IFT81: variants seen among roughly 807,000 people sequenced by gnomAD.
IFT81 encodes the protein intraflagellar transport 81.
IFT81 carries 72 observed loss-of-function variants against 102.6 expected under a neutral mutation model. That is an observed-to-expected ratio of 0.70 (90% confidence interval 0.58 to 0.85). The LOEUF is 0.85. Among genes scored for constraint, IFT81 ranks in the 40% least tolerant of loss-of-function variants. The probability of loss-of-function intolerance (pLI) is 0.00; values close to 1 mark genes in which losing one functional copy is unlikely to be tolerated. For synonymous variants in IFT81, 237 were observed against 242.7 expected (o/e 0.98, Z 0.22); for missense variants, 723 against 787.3 (o/e 0.92, Z 0.98).
chr12:110,217,580 T>C (rs1353897442), intron 18 of IFT81, among the ~76,000 whole-genome samples: 6 of 152,140 alleles, frequency 3.9e-5, no homozygotes, highest in Non-Finnish European at 8.8e-5. Context: ...GTATTTTCTT[T>C]GAGACAGAGT....
intron 14 of IFT81, among the ~76,000 whole-genome samples, chr12:110,202,414 C>G (rs915138948): frequency 6.6e-6 from 1 of 150,798 alleles, no homozygotes; most frequent in Non-Finnish European, 1.5e-5. Context: ...TGCCCCCTTG[C>G]AATAAAGAAA....
At chr12:110,132,894 G>A (rs889624105) in intron 5 of IFT81, among the ~76,000 whole-genome samples, 5 of 151,342 alleles carry the variant, frequency 3.3e-5, no homozygotes, top group African/African-American at 1.2e-4. Context: ...ATTATGTCCT[G>A]TAAGTAAACC....
At chr12:110,134,296 A>G (rs1381128896) in intron 5 of IFT81, among the ~76,000 whole-genome samples, 1 of 152,214 alleles carries the variant, frequency 6.6e-6, no homozygotes, top group Non-Finnish European at 1.5e-5. Flanking sequence ...AATTCTGTCA[A>G]TACTGACTAC....
At chr12:110,207,710 C>G (rs12319128) in intron 17 of IFT81, among the ~76,000 whole-genome samples, 9 of 151,354 alleles carry the variant, frequency 5.9e-5, no homozygotes, top group Non-Finnish European at 1.3e-4. Context: ...CTACAGGTGC[C>G]CGCCACCACG....
rs1480758029 is a variant in IFT81 at position 110,132,615 on chromosome 12, TTC to T, written c.500_501del (p.Ser167TyrfsTer20). 1 of 1,575,404 alleles carries T rather than the reference TTC, an allele frequency of 6.3e-7. No individual in the cohort carries two copies. Among genetic ancestry groups the T allele is most frequent in the Admixed American group, 1.7e-5 (1 of 57,534 alleles). On this transcript the variant is annotated frameshift_variant, in exon 5 of 19. Coordinates refer to ENST00000242591, the MANE Select transcript of IFT81 (RefSeq NM_014055.4). LOFTEE classifies it high-confidence loss of function. ...ATGAGCAGCTCAAGATATCTGGATT[TTC>T]TACAGCAGAAATAAGAAAGGTAAAG... ...EYEQLKISGF[S>X]TAEIRKDISA...
At chr12:110,190,276 C>T (rs1467938981) in intron 12 of IFT81, among the ~76,000 whole-genome samples, 2 of 152,190 alleles carry the variant, frequency 1.3e-5, no homozygotes, top group Non-Finnish European at 2.9e-5. Flanking sequence ...CCACCTTATT[C>T]TCACTGCACC....
intron 11 of IFT81, among the ~76,000 whole-genome samples, chr12:110,172,602 T>A (rs1279553280): frequency 6.6e-6 from 1 of 152,208 alleles, no homozygotes; most frequent in Non-Finnish European, 1.5e-5. Context: ...TTGGCCGGGC[T>A]GGTCTCCAGC....
chr12:110,203,704 A>G lies in IFT81; in HGVS notation c.1558-160A>G, dbSNP rs78036552. 4.7e-3 allele frequency: 3,033 copies of G among 645,462 alleles called. 19 individuals carry two copies. The highest frequency in any genetic ancestry group is 0.011 in the Middle Eastern group (28 of 2,440). 40.0% of individuals were successfully genotyped at this position (645,462 alleles called of 1,614,324 possible). A position where few individuals can be genotyped will look rare whatever the true frequency, so the allele number is the denominator to read the frequency against. On this transcript the variant is annotated intron_variant, in intron 14 of 18. Transcript: ENST00000242591. ...ATTATTATTATCAGCACCTTCATCTATCATAATTCTCAAATGTCTGGTTGT... is the reference window on the plus strand; with the variant it reads ...ATTATTATTATCAGCACCTTCATCTGTCATAATTCTCAAATGTCTGGTTGT...
chr12:110,166,013 A>G (rs1896416057), intron 11 of IFT81, among the ~76,000 whole-genome samples: 1 of 152,178 alleles, frequency 6.6e-6, no homozygotes, highest in Non-Finnish European at 1.5e-5. Flanking sequence ...TTGAGTGCAA[A>G]TCCTGGTTTT....
intron 11 of IFT81, among the ~76,000 whole-genome samples, chr12:110,163,793 T>G (rs917010531): frequency 6.6e-6 from 1 of 151,490 alleles, no homozygotes; most frequent in Non-Finnish European, 1.5e-5. Flanking sequence ...TTTTTGTATT[T>G]TTAGTAGAGA....
At chr12:110,174,600 G>C (rs1027743351) in intron 11 of IFT81, among the ~76,000 whole-genome samples, 5 of 152,074 alleles carry the variant, frequency 3.3e-5, no homozygotes, top group South Asian at 2.1e-4. Flanking sequence ...TTTGCAGCAG[G>C]AGCAGTAATT....
chr12:110,180,082 A>C (rs1897257028), intron 11 of IFT81, among the ~76,000 whole-genome samples: 1 of 152,084 alleles, frequency 6.6e-6, no homozygotes, highest in African/African-American at 2.4e-5. Context: ...AAGCTTAAGG[A>C]ATAGTGGGGA....
intron 18 of IFT81, among the ~76,000 whole-genome samples, chr12:110,217,325 G>A (rs565980518): frequency 4.2e-4 from 64 of 151,792 alleles, no homozygotes; most frequent in African/African-American, 1.3e-3. Flanking sequence ...GATTACAGTC[G>A]TGAGCCACCA....
chr12:110,171,700 C>T (rs1346336652), intron 11 of IFT81, among the ~76,000 whole-genome samples: 1 of 152,212 alleles, frequency 6.6e-6, no homozygotes, highest in East Asian at 1.9e-4. Flanking sequence ...CTGCTTTGAA[C>T]ATTTTCTCTT....
intron 10 of IFT81, among the ~76,000 whole-genome samples, chr12:110,156,503 T>A (rs1382948059): frequency 2.0e-5 from 3 of 151,730 alleles, no homozygotes; most frequent in African/African-American, 7.2e-5. Flanking sequence ...TTCCTTACTT[T>A]TTTTTTTTTT....
chr12:110,185,185 A>T (rs557749224), intron 12 of IFT81, among the ~76,000 whole-genome samples: 17 of 151,148 alleles, frequency 1.1e-4, no homozygotes, highest in South Asian at 4.2e-4. Context: ...TCTTCACTAA[A>T]TTTTTTTTTC....
chr12:110,157,528 G>A (rs1239686151), intron 10 of IFT81, among the ~76,000 whole-genome samples: 1 of 152,036 alleles, frequency 6.6e-6, no homozygotes, highest in Non-Finnish European at 1.5e-5. Flanking sequence ...CTTTCTTGGA[G>A]TTTCTTCTTC....
intron 10 of IFT81, among the ~76,000 whole-genome samples, chr12:110,159,975 G>T (rs1356891163): frequency 6.6e-6 from 1 of 152,188 alleles, no homozygotes; most frequent in East Asian, 1.9e-4. Flanking sequence ...TCTGTGTGAT[G>T]TAATTATTTT....
chr12:110,194,141 C>G (rs1897907640), intron 14 of IFT81, among the ~76,000 whole-genome samples: 1 of 152,144 alleles, frequency 6.6e-6, no homozygotes, highest in South Asian at 2.1e-4. Context: ...CTAAACCGTT[C>G]ATGAGAATTT....
Sources: gnomAD v4.1 joint callset for allele counts (sites outside exome capture counted in the v4.1 genomes callset) on GRCh38, gnomAD v4.1.1 for gene constraint, MANE v1.5 for transcripts, NCBI Gene and HGNC (gene_info 2026-07-23, HGNC 2026-07-21) for gene names.